Variants in MMP16 observed in about 807,000 individuals in gnomAD.
The protein encoded by MMP16 is matrix metallopeptidase 16.
In MMP16, 12 loss-of-function variants were observed where a neutral mutation model predicts 67.8. The ratio of observed to expected loss-of-function variants is 0.18; its 90% CI spans 0.11 to 0.29. The LOEUF (loss-of-function observed/expected upper bound fraction) is 0.29. MMP16 is among the 10% of genes least tolerant of loss of function. The pLI is 1.00. For missense variants in MMP16, 475 were observed against 765.7 expected (o/e 0.62, Z 4.48); for synonymous variants, 249 against 255.9 (o/e 0.97, Z 0.26).
At chr8:88,052,130 A>G (rs1002044275) in intron 8 of MMP16, among the ~76,000 whole-genome samples, 5 of 152,306 alleles carry the variant, frequency 3.3e-5, no homozygotes, top group South Asian at 2.1e-4. Context: ...TGTGCCTCCA[A>G]CTAAACTTTC....
chr8:88,325,742 G>GTT (rs28907883), intron 1 of MMP16, among the ~76,000 whole-genome samples: 2 of 151,714 alleles, frequency 1.3e-5, no homozygotes, highest in South Asian at 4.2e-4. Context: ...TTCAAATTGG[G>GTT]TTTTTTTTGT....
chr8:88,143,826 T>G (rs1054945287), intron 4 of MMP16, among the ~76,000 whole-genome samples: 3 of 151,950 alleles, frequency 2.0e-5, no homozygotes, highest in African/African-American at 7.2e-5. Context: ...GATTTCAATA[T>G]TAGTAAATTA....
intron 9 of MMP16, among the ~76,000 whole-genome samples, chr8:88,044,673 G>A (rs1331292337): frequency 6.6e-6 from 1 of 152,028 alleles, no homozygotes; most frequent in African/African-American, 2.4e-5. Context: ...AACATCATTG[G>A]ACTTGTCTAT....
chr8:88,112,304 C>T (rs1809350431), intron 6 of MMP16, among the ~76,000 whole-genome samples: 1 of 151,418 alleles, frequency 6.6e-6, no homozygotes, highest in Non-Finnish European at 1.5e-5. Flanking sequence ...TAGTGAAATA[C>T]TGTGTACTGA....
intron 3 of MMP16, among the ~76,000 whole-genome samples, chr8:88,185,459 C>T (rs1809058976): frequency 6.6e-6 from 1 of 151,900 alleles, no homozygotes; most frequent in African/African-American, 2.4e-5. Flanking sequence ...AAAAAAACGT[C>T]GCCAAAATAA....
chr8:88,229,720 C>T (rs1809829216), intron 1 of MMP16, among the ~76,000 whole-genome samples: 1 of 151,700 alleles, frequency 6.6e-6, no homozygotes, highest in African/African-American at 2.4e-5. Flanking sequence ...GACAAGAATG[C>T]TATTGAGAAC....
At chr8:88,305,376 G>C (rs1563590256) in intron 1 of MMP16, among the ~76,000 whole-genome samples, 1 of 152,128 alleles carries the variant, frequency 6.6e-6, no homozygotes, top group Non-Finnish European at 1.5e-5. Context: ...GACAATATCA[G>C]ATCATCAAGA....
chr8:88,125,371 G>A (rs1259705871), intron 4 of MMP16, among the ~76,000 whole-genome samples: 1 of 151,692 alleles, frequency 6.6e-6, no homozygotes. Flanking sequence ...TGTCTAATAA[G>A]GCACAGTTAA....
At chr8:88,204,631 T>C (rs965303457) in intron 1 of MMP16, among the ~76,000 whole-genome samples, 3 of 152,168 alleles carry the variant, frequency 2.0e-5, no homozygotes, top group East Asian at 1.9e-4. Context: ...ACAATATACA[T>C]AATTTTAGTG....
chr8:88,164,450 T>C (rs769742157), intron 4 of MMP16, among the ~76,000 whole-genome samples: 10 of 152,074 alleles, frequency 6.6e-5, no homozygotes, highest in African/African-American at 2.2e-4. Context: ...CAAGCAAAGA[T>C]AGAGGCTGTT....
At chr8:88,214,500 T>C (rs1043191422) in intron 1 of MMP16, among the ~76,000 whole-genome samples, 5 of 152,314 alleles carry the variant, frequency 3.3e-5, no homozygotes, top group Admixed American at 1.3e-4. Context: ...TAGTTTTTTT[T>C]CATTATATTT....
At chr8:88,210,379 T>C (rs1171782472) in intron 1 of MMP16, among the ~76,000 whole-genome samples, 1 of 152,220 alleles carries the variant, frequency 6.6e-6, no homozygotes, top group Non-Finnish European at 1.5e-5. Context: ...AAACAGCTCC[T>C]GGCACATTTT....
At chr8:88,293,735 T>C (rs902012928) in intron 1 of MMP16, among the ~76,000 whole-genome samples, 1 of 152,084 alleles carries the variant, frequency 6.6e-6, no homozygotes, top group Non-Finnish European at 1.5e-5. Flanking sequence ...CTTCAGACTG[T>C]TTAAACAATT....
chr8:88,129,734 T>C lies in MMP16; in HGVS notation c.710-10873A>G, dbSNP rs147741460. Among the ~76,000 whole-genome samples, 686 of 151,734 alleles carry C rather than the reference T, an allele frequency of 4.5e-3. 1 individual carries two copies. Among genetic ancestry groups the C allele is most frequent in the Middle Eastern group, 0.027 (8 of 294 alleles). On this transcript the variant is annotated intron_variant, in intron 4 of 9. Transcript: ENST00000286614. ...TAGCAAAACTAGACCAAAATGAGTA[T>C]ACAAAATATAAAAAAATTATAACCT...
At chr8:88,093,680 T>G (rs1255784687) in intron 6 of MMP16, among the ~76,000 whole-genome samples, 1 of 151,894 alleles carries the variant, frequency 6.6e-6, no homozygotes, top group Admixed American at 6.6e-5. Flanking sequence ...AAATGATGGA[T>G]GATATTTTAA....
rs1808130314 is a variant in MMP16, at chr8:88,041,358, C to T, written c.*103G>A. The T allele has an allele frequency of 8.1e-7, 1 of 1,239,676 alleles. No individual in the cohort carries two copies. The highest frequency in any genetic ancestry group is 2.1e-5 in the Admixed American group (1 of 47,040). The allele number at this position is 1,239,676 out of a possible 1,614,324, so 76.8% of individuals were successfully genotyped here. On this transcript the variant is annotated 3_prime_UTR_variant, in exon 10 of 10. Coordinates refer to ENST00000286614, the MANE Select transcript of MMP16 (RefSeq NM_005941.5). The surrounding 1 kb of genome is among the most constrained non-coding windows in gnomAD (Gnocchi z 6.0). ...GAAAGGTCAGCCCCGAATCAGGCTG[C>T]CACAAGCCTGCTCCTAGCTAGGAAA...
chr8:88,156,202 C>G (rs1038063126), intron 4 of MMP16, among the ~76,000 whole-genome samples: 1 of 151,724 alleles, frequency 6.6e-6, no homozygotes, highest in Admixed American at 6.6e-5. Context: ...TTTTTTTTAA[C>G]TTGCTGGTCA....
At chr8:88,307,027 C>A (rs959211180) in intron 1 of MMP16, among the ~76,000 whole-genome samples, 1 of 152,112 alleles carries the variant, frequency 6.6e-6, no homozygotes, top group Non-Finnish European at 1.5e-5. Context: ...TCTAGAAAAC[C>A]CCATTGTCTC....
At chr8:88,098,274 A>G (rs779022258) in intron 6 of MMP16, among the ~76,000 whole-genome samples, 1 of 152,032 alleles carries the variant, frequency 6.6e-6, no homozygotes, top group Non-Finnish European at 1.5e-5. Flanking sequence ...GGCTACTGCC[A>G]ACTATGGGTG....
Sources: allele counts gnomAD v4.1 joint callset (sites outside exome capture counted in the v4.1 genomes callset), GRCh38; gene constraint gnomAD v4.1.1; non-coding constraint Gnocchi (gnomAD v3.1); transcripts MANE v1.5; gene names NCBI Gene and HGNC (gene_info 2026-07-23, HGNC 2026-07-21).